KSR1: variants seen among roughly 807,000 people sequenced by gnomAD.
The protein encoded by KSR1 is kinase suppressor of ras 1, also known as kinase suppressor of ras.
KSR1 carries 35 observed loss-of-function variants against 92.9 expected under a neutral mutation model. The observed-to-expected ratio is 0.38, with a 90% CI of 0.29 to 0.50. The LOEUF is 0.50. Among genes scored for constraint, KSR1 ranks in the 20% least tolerant of loss-of-function variants. The probability of loss-of-function intolerance (pLI) is 0.94; values close to 1 mark genes in which losing one functional copy is unlikely to be tolerated. For synonymous variants in KSR1, 467 were observed against 472.6 expected, an observed-to-expected ratio of 0.99 and a Z score of 0.15; for missense variants, 972 against 1,158.5, an observed-to-expected ratio of 0.84 and a Z score of 2.34.
chr17:27,543,154 C>T (rs186315383), intron 1 of KSR1, among the ~76,000 whole-genome samples: 30 of 152,386 alleles, frequency 2.0e-4, no homozygotes, highest in African/African-American at 7.0e-4. Context: ...TCTGTCTAGA[C>T]TGCCATTTTA....
chr17:27,606,372 T>C (rs1217929641), intron 14 of KSR1, among the ~76,000 whole-genome samples: 6 of 152,258 alleles, frequency 3.9e-5, no homozygotes, highest in Non-Finnish European at 8.8e-5. Context: ...TCAGAGACAC[T>C]ATAAACAGTT....
intron 14 of KSR1, among the ~76,000 whole-genome samples, chr17:27,606,129 T>C (rs1001746135): frequency 6.6e-6 from 1 of 152,074 alleles, no homozygotes; most frequent in Admixed American, 6.6e-5. Flanking sequence ...AAAAATTAGC[T>C]GGGCCTGGTG....
chr17:27,484,530 A>G (rs1281034591), intron 1 of KSR1, among the ~76,000 whole-genome samples: 1 of 152,078 alleles, frequency 6.6e-6, no homozygotes, highest in South Asian at 2.1e-4. Flanking sequence ...CCCCGTTGTT[A>G]TTTATTTAGT....
intron 1 of KSR1, among the ~76,000 whole-genome samples, chr17:27,517,341 T>C (rs1311152897): frequency 6.6e-6 from 1 of 152,216 alleles, no homozygotes; most frequent in Non-Finnish European, 1.5e-5. Flanking sequence ...ATTTTTATTT[T>C]TTTTTGAGCC....
intron 1 of KSR1, among the ~76,000 whole-genome samples, chr17:27,515,614 T>G (rs1001332276): frequency 1.3e-5 from 2 of 150,760 alleles, no homozygotes; most frequent in Admixed American, 6.6e-5. Flanking sequence ...CTTCGTAGTT[T>G]TTTTTTTTTT....
rs765464519 is a variant in KSR1, at chr17:27,597,420, C to T, written c.1452C>T (p.Ser484=). 9.3e-6 allele frequency: 15 copies of T among 1,607,132 alleles called. No homozygotes were observed. The highest frequency in any genetic ancestry group is 1.3e-5 in the Non-Finnish European group (15 of 1,175,550). ...ACCCCTCACCTGGCCAGCGGGACAG[C>T]AGGTTCAACTTCCCAGGTACCACAT... The part of the protein sequence containing the change: ...PPNPSPGQRD[S]RFNFPAAYFI... Residue 484 remains serine (S), a synonymous_variant, in exon 10 of 21, where the codon AGC becomes AGT. Transcript: ENST00000644974.
intron 2 of KSR1, among the ~76,000 whole-genome samples, chr17:27,575,619 C>G (rs1440729035): frequency 6.6e-6 from 1 of 152,164 alleles, no homozygotes; most frequent in Non-Finnish European, 1.5e-5. Context: ...CAGCAGGTCT[C>G]ACCCTCATTT....
In KSR1 at chr17:27,610,103, G is replaced by A; in HGVS notation, c.2262G>A (p.Leu754=). The stretch of plus-strand genomic sequence containing the variant: ...AGCTAAAGCTGTCCCACGACTGGCT[G>A]TGCTATCTGGCCCCTGAGATTGTAC... ...ENQLKLSHDW[L]CYLAPEIVRE... The change falls in exon 17 of 21, where the codon CTG becomes CTA. Residue 754 remains leucine, a synonymous_variant. Coordinates refer to ENST00000644974, the MANE Select transcript of KSR1 (RefSeq NM_001394583.1). 13 of 1,614,030 alleles carry A rather than the reference G, an allele frequency of 8.1e-6. No individual in the cohort carries two copies. The highest frequency in any genetic ancestry group is 1.0e-5 in the Non-Finnish European group (12 of 1,179,882).
chr17:27,484,301 G>A (rs1313227932), intron 1 of KSR1, among the ~76,000 whole-genome samples: 1 of 152,122 alleles, frequency 6.6e-6, no homozygotes, highest in African/African-American at 2.4e-5. Context: ...GCACAATTTC[G>A]GCTCATTGCA....
At chr17:27,464,940 TAAAA>T (rs111417449) in intron 1 of KSR1, among the ~76,000 whole-genome samples, 2 of 134,140 alleles carry the variant, frequency 1.5e-5, no homozygotes, top group Non-Finnish European at 3.2e-5. Flanking sequence ...CTGATGAGCT[TAAAA>T]AAAAAAAAAA....
In KSR1 at chr17:27,560,086, G is replaced by A. The variant is rs1453664185; in HGVS notation, c.372+9378G>A. On this transcript the variant is annotated intron_variant, in intron 2 of 20. Coordinates refer to ENST00000644974, the MANE Select transcript of KSR1 (RefSeq NM_001394583.1). ...CACGTGGCTGGAGGGTGGAAGGGTCGGGGATAGGAAATGAGATGGGAGGGA... is the reference window on the plus strand; with the variant it reads ...CACGTGGCTGGAGGGTGGAAGGGTCAGGGATAGGAAATGAGATGGGAGGGA... Among the ~76,000 whole-genome samples the A allele has an allele frequency of 5.9e-5, 9 of 152,344 alleles. No homozygotes were observed. The East Asian group carries it at 1.2e-3, about 20-fold the overall frequency.
At chr17:27,533,819 G>A (rs2070646660) in intron 1 of KSR1, among the ~76,000 whole-genome samples, 1 of 152,232 alleles carries the variant, frequency 6.6e-6, no homozygotes, top group Non-Finnish European at 1.5e-5. Flanking sequence ...CCTTGTTGGA[G>A]TTAGCTGTCA....
intron 1 of KSR1, among the ~76,000 whole-genome samples, chr17:27,472,659 C>T (rs1209482670): frequency 5.3e-5 from 8 of 152,110 alleles, no homozygotes; most frequent in African/African-American, 1.9e-4. Context: ...AAAAATTAGC[C>T]GGGCATGGCG....
intron 1 of KSR1, among the ~76,000 whole-genome samples, chr17:27,519,187 C>T (rs558217295): frequency 3.9e-5 from 6 of 152,128 alleles, no homozygotes; most frequent in East Asian, 1.9e-4. Flanking sequence ...TGGTGGTCAG[C>T]GCCTGGAAGC....
intron 1 of KSR1, among the ~76,000 whole-genome samples, chr17:27,496,464 A>G (rs2068989378): frequency 6.6e-6 from 1 of 152,100 alleles, no homozygotes; most frequent in Non-Finnish European, 1.5e-5. Context: ...ATTCTGCCTG[A>G]TTTTAAGTAT....
intron 1 of KSR1, among the ~76,000 whole-genome samples, chr17:27,467,901 C>A (rs1030311571): frequency 5.3e-5 from 8 of 151,458 alleles, no homozygotes; most frequent in Non-Finnish European, 1.0e-4. Flanking sequence ...AGCTCTGCCT[C>A]CTGGGTTCCA....
At chr17:27,593,561 G>A (rs1202040467) in intron 9 of KSR1, among the ~76,000 whole-genome samples, 2 of 152,218 alleles carry the variant, frequency 1.3e-5, no homozygotes, top group Non-Finnish European at 2.9e-5. Flanking sequence ...TACAGCTTCA[G>A]TGGCTGCTCT....
intron 1 of KSR1, among the ~76,000 whole-genome samples, chr17:27,491,461 A>G (rs1451592400): frequency 6.6e-6 from 1 of 151,914 alleles, no homozygotes; most frequent in Non-Finnish European, 1.5e-5. Flanking sequence ...AAGTGCTGGG[A>G]TTACAGGCAC....
rs754942098 is a variant in KSR1 at position 27,577,578 on chromosome 17, C to T, written c.459C>T (p.Ser153=). ...AGACGCTGCGGCGCTGTGGGGCCAG[C>T]GGGGATGAGTGTGGCCGTCTGCAGT... is the stretch of plus-strand genomic sequence containing the variant. ...VKETLRRCGA[S]GDECGRLQYA... The change falls in exon 3 of 21, where the codon AGC becomes AGT. Residue 153 remains serine, a synonymous_variant. Coordinates refer to ENST00000644974, the MANE Select transcript of KSR1 (RefSeq NM_001394583.1). This position sits in a 1 kb window ranked among gnomAD's most constrained non-coding sequence, Gnocchi z 4.5. 3.7e-6 allele frequency: 6 copies of T among 1,603,920 alleles called. No individual in the cohort carries two copies. The African/African-American group carries it at 5.3e-5, about 14-fold the overall frequency.
Sources: gnomAD v4.1 joint callset for allele counts (sites outside exome capture counted in the v4.1 genomes callset) on GRCh38, gnomAD v4.1.1 for gene constraint, Gnocchi (gnomAD v3.1) non-coding constraint, MANE v1.5 for transcripts, NCBI Gene and HGNC (gene_info 2026-07-23, HGNC 2026-07-21) for gene names.